The following APBB2 variants were observed in gnomAD, a reference collection of about 807,000 sequenced individuals.
APBB2 encodes Fe65-like 1.
APBB2 carries 38 observed loss-of-function variants against 82.5 expected under a neutral mutation model. The observed-to-expected ratio is 0.46, with a 90% confidence interval of 0.36 to 0.60. The LOEUF (loss-of-function observed/expected upper bound fraction) is 0.60. APBB2 is among the 20% of genes least tolerant of loss of function. The probability of loss-of-function intolerance (pLI) is 0.00; values close to 1 mark genes in which losing one functional copy is unlikely to be tolerated. For synonymous variants in APBB2, 341 were observed against 368.2 expected, an observed-to-expected ratio of 0.93 and a Z score of 0.85; for missense variants, 772 against 972.3, an observed-to-expected ratio of 0.79 and a Z score of 2.74.
chr4:40,963,324 G>GCAGCTTCAAACTC (rs1793784397), intron 6 of APBB2, among the ~76,000 whole-genome samples: 1 of 151,868 alleles, frequency 6.6e-6, no homozygotes, highest in African/African-American at 2.4e-5. Flanking sequence ...ATGGCTCACT[G>GCAGCTTCAAACTC]CAGCTTCAAA....
intron 10 of APBB2, among the ~76,000 whole-genome samples, chr4:40,910,933 G>A (rs576116799): frequency 5.2e-5 from 8 of 152,388 alleles, no homozygotes; most frequent in Non-Finnish European, 1.0e-4. Context: ...CCTATGGGAA[G>A]CAGTTGTTTT....
chr4:41,013,962 G>A lies in APBB2; in HGVS notation c.456C>T (p.Pro152=). 1.2e-6 allele frequency: 2 copies of A among 1,614,204 alleles called. No homozygotes were observed. The highest frequency in any genetic ancestry group is 1.7e-6 in the Non-Finnish European group (2 of 1,180,040). The change falls in exon 6 of 18, where the codon CCC becomes CCT. Residue 152 remains proline, a synonymous_variant. Transcript: ENST00000508593. The part of the protein sequence containing the change: ...PQDSSSCEIL[P]SQPRRTKSFL... ...AGCTCTTAGTTCTCCTGGGCTGGGAGGGTAAAATCTCACAGCTCGAGGAAT... is the reference window on the plus strand; with the variant it reads ...AGCTCTTAGTTCTCCTGGGCTGGGAAGGTAAAATCTCACAGCTCGAGGAAT...
chr4:41,027,358 TTGTTA>T (rs1277162270), intron 5 of APBB2, among the ~76,000 whole-genome samples: 44 of 116,446 alleles, frequency 3.8e-4, no homozygotes, highest in African/African-American at 1.3e-3. Context: ...TATAAACATA[TTGTTA>T]CATATATATA....
At chr4:40,889,511 C>G (rs984165905) in intron 12 of APBB2, among the ~76,000 whole-genome samples, 2 of 152,182 alleles carry the variant, frequency 1.3e-5, no homozygotes, top group Non-Finnish European at 2.9e-5. Context: ...CCATTTTCAA[C>G]AAAGCAATAA....
chr4:41,112,824 C>T (rs28470544), intron 2 of APBB2, among the ~76,000 whole-genome samples: 2,523 of 152,110 alleles, frequency 0.017, 62 homozygotes, highest in African/African-American at 0.057. Flanking sequence ...CCCATCTGTA[C>T]TAAAAATGCA....
chr4:40,909,221 A>G (rs1482499741), intron 10 of APBB2, among the ~76,000 whole-genome samples: 4 of 152,268 alleles, frequency 2.6e-5, no homozygotes, highest in Non-Finnish European at 5.9e-5. Flanking sequence ...AGCAGGTTCA[A>G]TCATCAGCAC....
intron 4 of APBB2, among the ~76,000 whole-genome samples, chr4:41,059,175 A>G (rs1728863121): frequency 6.6e-6 from 1 of 152,154 alleles, no homozygotes; most frequent in African/African-American, 2.4e-5. Context: ...AAACAATAAC[A>G]TTAGGCTGGG....
intron 3 of APBB2, among the ~76,000 whole-genome samples, chr4:41,070,764 C>G (rs1310801531): frequency 1.3e-5 from 2 of 152,168 alleles, no homozygotes; most frequent in Non-Finnish European, 2.9e-5. Context: ...AACATCAAAT[C>G]TGATTGTGTC....
At chr4:41,117,540 C>T (rs1023261628) in intron 2 of APBB2, among the ~76,000 whole-genome samples, 2 of 152,196 alleles carry the variant, frequency 1.3e-5, no homozygotes, top group African/African-American at 2.4e-5. Flanking sequence ...ATCCACCCGC[C>T]TTGGCCTCCC....
chr4:41,027,364 CAT>C (rs36224955), intron 5 of APBB2, among the ~76,000 whole-genome samples: 5,529 of 126,612 alleles, frequency 0.044, 216 homozygotes, highest in Admixed American at 0.069. Flanking sequence ...CATATTGTTA[CAT>C]ATATATATAT....
At chr4:40,954,460 T>G (rs1222311077) in intron 6 of APBB2, among the ~76,000 whole-genome samples, 1 of 152,132 alleles carries the variant, frequency 6.6e-6, no homozygotes, top group Non-Finnish European at 1.5e-5. Context: ...GGTTTAAAGC[T>G]AGGGGTGCAG....
intron 6 of APBB2, among the ~76,000 whole-genome samples, chr4:40,952,294 A>C (rs73152303): frequency 0.085 from 12,877 of 151,628 alleles, 589 homozygotes; most frequent in Middle Eastern, 0.13. Context: ...GGATCTGAGG[A>C]GGTCCGGCAA....
chr4:40,838,404 C>T (rs1440247086), intron 12 of APBB2, among the ~76,000 whole-genome samples: 2 of 137,714 alleles, frequency 1.5e-5, no homozygotes, highest in African/African-American at 2.8e-5. Flanking sequence ...GGTGTGATCT[C>T]GACTCACTGC....
intron 12 of APBB2, among the ~76,000 whole-genome samples, chr4:40,862,807 C>T (rs982975746): frequency 2.0e-5 from 3 of 147,022 alleles, no homozygotes; most frequent in Non-Finnish European, 4.4e-5. Context: ...TGCAGTGAGC[C>T]GAGATTGTGC....
chr4:41,014,624 C>A (rs547707309), intron 5 of APBB2, among the ~76,000 whole-genome samples: 1 of 152,136 alleles, frequency 6.6e-6, no homozygotes, highest in Non-Finnish European at 1.5e-5. Flanking sequence ...TATAGAAAAG[C>A]TAAGAAGTCT....
intron 2 of APBB2, among the ~76,000 whole-genome samples, chr4:41,113,228 T>C (rs534212690): frequency 2.0e-5 from 3 of 152,340 alleles, no homozygotes; most frequent in South Asian, 4.1e-4. Context: ...TGGACTTCCT[T>C]ACATTTACTT....
chr4:40,909,018 T>C (rs1206440612), intron 10 of APBB2, among the ~76,000 whole-genome samples: 2 of 152,152 alleles, frequency 1.3e-5, no homozygotes, highest in Non-Finnish European at 2.9e-5. Context: ...TCCAGAGGTG[T>C]AGCACTCTTA....
chr4:40,904,566 T>C (rs1296939005), intron 10 of APBB2, among the ~76,000 whole-genome samples: 3 of 152,068 alleles, frequency 2.0e-5, no homozygotes, highest in Admixed American at 6.6e-5. Context: ...AAATACCTCT[T>C]GGATGTTGCC....
At chr4:41,019,106 C>T (rs113702136) in intron 5 of APBB2, among the ~76,000 whole-genome samples, 6 of 152,140 alleles carry the variant, frequency 3.9e-5, no homozygotes, top group African/African-American at 1.4e-4. Context: ...CAGGAGAATG[C>T]AGAGGTGGGC....
Sources: allele counts gnomAD v4.1 joint callset (sites outside exome capture counted in the v4.1 genomes callset), GRCh38; gene constraint gnomAD v4.1.1; transcripts MANE v1.5; gene names NCBI Gene and HGNC (gene_info 2026-07-23, HGNC 2026-07-21).